The following MTUS1 variants were observed in gnomAD, a reference collection of about 807,000 sequenced individuals.
MTUS1 encodes microtubule associated scaffold protein 1.
Under a neutral mutation model 120.8 loss-of-function variants are expected in MTUS1, and 109 were observed. That is an observed-to-expected ratio of 0.90 (90% CI 0.77 to 1.06). The LOEUF is 1.06. Among genes scored for constraint, MTUS1 ranks in the 50% least tolerant of loss-of-function variants. MTUS1 has a pLI of 0.00. For synonymous variants in MTUS1, 737 were observed against 550.5 expected (o/e 1.34, Z -4.74); for missense variants, 2,210 against 1,486.3 (o/e 1.49, Z -8.01).
At chr8:17,769,294 C>A (rs1586293921) in intron 1 of MTUS1, among the ~76,000 whole-genome samples, 1 of 147,064 alleles carries the variant, frequency 6.8e-6, no homozygotes, top group East Asian at 2.0e-4. Context: ...ATGTGGAAGA[C>A]CTTACACATT....
At chr8:17,647,606 G>A (rs971028623) in intron 13 of MTUS1, among the ~76,000 whole-genome samples, 1 of 152,102 alleles carries the variant, frequency 6.6e-6, no homozygotes, top group Non-Finnish European at 1.5e-5. Flanking sequence ...GCTTCAATTC[G>A]ATAGAGCTCT....
At chr8:17,764,738 T>C (rs892966856) in intron 1 of MTUS1, among the ~76,000 whole-genome samples, 1 of 152,136 alleles carries the variant, frequency 6.6e-6, no homozygotes, top group African/African-American at 2.4e-5. Context: ...CCCAGTAAAA[T>C]GATTTACAAA....
At chr8:17,720,951 A>G (rs1359289802) in intron 4 of MTUS1, among the ~76,000 whole-genome samples, 1 of 152,196 alleles carries the variant, frequency 6.6e-6, no homozygotes, top group Non-Finnish European at 1.5e-5. Context: ...AAATAAGAAC[A>G]ATTTATTGCC....
At chr8:17,751,725 G>A (rs1193605903) in intron 2 of MTUS1, among the ~76,000 whole-genome samples, 1 of 151,804 alleles carries the variant, frequency 6.6e-6, no homozygotes, top group Non-Finnish European at 1.5e-5. Context: ...GGATGTGGTG[G>A]TGCACGCCTG....
rs1483453419 is a variant in MTUS1 at position 17,697,793 on chromosome 8, C to A, written c.2624-13251G>T. The A allele has an allele frequency of 9.5e-6, 9 of 942,522 alleles. No individual in the cohort carries two copies. In the African/African-American group the frequency reaches 1.4e-4, roughly 15 times the overall value. 58.4% of individuals were successfully genotyped at this position (942,522 alleles called of 1,614,324 possible). ...CAGATCCTGTAACCACTTGAAAGAT[C>A]GCTAGGGGAAATTAACTACTTCAAG... is the stretch of plus-strand genomic sequence containing the variant. On this transcript the variant is annotated intron_variant, in intron 6 of 14. Transcript: ENST00000693296.
intron 1 of MTUS1, among the ~76,000 whole-genome samples, chr8:17,762,264 G>C (rs1467432919): frequency 6.6e-6 from 1 of 152,176 alleles, no homozygotes; most frequent in Non-Finnish European, 1.5e-5. Context: ...AGGTGACAGA[G>C]CAAGACTTTG....
At chr8:17,745,196 G>A (rs960844682) in intron 2 of MTUS1, among the ~76,000 whole-genome samples, 3 of 152,190 alleles carry the variant, frequency 2.0e-5, no homozygotes, top group East Asian at 3.9e-4. Flanking sequence ...CAATTTCTAA[G>A]TGAACGTGTA....
In MTUS1 at chr8:17,657,205, G is replaced by GA. The variant is rs199731040; in HGVS notation, c.2906-1141dup. 5.8e-3 allele frequency among the ~76,000 whole-genome samples: 875 copies of GA among 149,846 alleles called. 10 individuals carry two copies. Among genetic ancestry groups the GA allele is most frequent in the African/African-American group, 0.019 (785 of 40,786 alleles). On this transcript the variant is annotated intron_variant, in intron 8 of 14. Transcript: ENST00000693296. ...ATCACCAGAGCACAAATATCTTAGGGAAAAAAAAACACATCTTAAAAGCAC... is the reference window on the plus strand; with the variant it reads ...ATCACCAGAGCACAAATATCTTAGGGAAAAAAAAAACACATCTTAAAAGCAC...
chr8:17,768,848 C>A (rs931075935), intron 1 of MTUS1, among the ~76,000 whole-genome samples: 5 of 152,008 alleles, frequency 3.3e-5, no homozygotes, highest in Non-Finnish European at 7.4e-5. Flanking sequence ...AAGAATCTCC[C>A]AAAAAATCAT....
intron 1 of MTUS1, among the ~76,000 whole-genome samples, chr8:17,776,480 A>G (rs996915444): frequency 6.6e-6 from 1 of 151,906 alleles, no homozygotes; most frequent in African/African-American, 2.4e-5. Context: ...TCAGGAGTTC[A>G]CCAGCCTGGC....
intron 1 of MTUS1, among the ~76,000 whole-genome samples, chr8:17,787,899 T>C (rs2051438583): frequency 6.6e-6 from 1 of 152,220 alleles, no homozygotes; most frequent in African/African-American, 2.4e-5. Context: ...GGCAGGCGGA[T>C]CACCTGAGTA....
chr8:17,733,656 C>G (rs546230625), intron 3 of MTUS1, among the ~76,000 whole-genome samples: 4 of 152,292 alleles, frequency 2.6e-5, no homozygotes, highest in Admixed American at 2.6e-4. Flanking sequence ...TTGACATTGA[C>G]AAGAGGCTCT....
chr8:17,703,577 C>T (rs545960356), intron 6 of MTUS1, among the ~76,000 whole-genome samples: 25 of 148,696 alleles, frequency 1.7e-4, no homozygotes, highest in African/African-American at 4.0e-4. Flanking sequence ...TGCAGTGAGC[C>T]GAGATCGCGC....
At chr8:17,646,666 T>C (rs11996177) in intron 14 of MTUS1, among the ~76,000 whole-genome samples, 1,990 of 152,316 alleles carry the variant, frequency 0.013, 51 homozygotes, top group African/African-American at 0.045. Flanking sequence ...ATATTCGACA[T>C]GTTTTATGAC....
chr8:17,771,118 C>A (rs960780076), intron 1 of MTUS1, among the ~76,000 whole-genome samples: 1 of 152,130 alleles, frequency 6.6e-6, no homozygotes, highest in Non-Finnish European at 1.5e-5. Context: ...TTACCTATAC[C>A]AATAAGTTCT....
At chr8:17,738,467 G>A (rs780699160) in intron 3 of MTUS1, among the ~76,000 whole-genome samples, 2 of 152,222 alleles carry the variant, frequency 1.3e-5, no homozygotes, top group African/African-American at 4.8e-5. Context: ...GCCTCCAAAA[G>A]AGAGTGAAGG....
chr8:17,654,168 T>C (rs1448309223), intron 10 of MTUS1: 1 of 198,088 alleles, frequency 5.0e-6, no homozygotes, highest in Non-Finnish European at 1.0e-5. Context: ...AAGACTATTT[T>C]TCTATTCAAT....
rs369062985 is a variant in MTUS1 at position 17,753,849 on chromosome 8, C to T, written c.1959G>A (p.Met653Ile). The change falls in exon 2 of 15, where the codon ATG (methionine) becomes ATA (isoleucine). Residue 653 changes from methionine to isoleucine, a missense_variant. Met to Ile is a conservative substitution (Grantham distance 10). Transcript: ENST00000693296. ...TCCTATCAATGTTGGGAACATAGGT[C>T]ATTTCCAAACATTCTGCACTTTCCA... Reference protein sequence around the residue: ...VKMESAECLEMTYVPNIDRIS... With the variant: ...VKMESAECLEITYVPNIDRIS... The T allele has an allele frequency of 2.5e-6, 4 of 1,614,136 alleles. No homozygotes were observed. The highest frequency in any genetic ancestry group is 1.7e-5 in the Admixed American group (1 of 60,018).
intron 6 of MTUS1, chr8:17,691,503 T>C (rs1816935132): frequency 1.3e-5 from 2 of 152,216 alleles, no homozygotes; most frequent in African/African-American, 4.8e-5. Context: ...CAAATGCTTG[T>C]CTATGTGGCA....
Sources: gnomAD v4.1 joint callset for allele counts (sites outside exome capture counted in the v4.1 genomes callset) on GRCh38, gnomAD v4.1.1 for gene constraint, MANE v1.5 for transcripts, NCBI Gene and HGNC (gene_info 2026-07-23, HGNC 2026-07-21) for gene names.